ATP6V1A: variants seen among roughly 807,000 people sequenced by gnomAD.
The protein encoded by ATP6V1A is ATPase H+ transporting V1 subunit A, also known as V-type proton ATPase catalytic subunit A.
A neutral mutation model predicts 70.1 loss-of-function variants in ATP6V1A; 18 were observed. The ratio of observed to expected loss-of-function variants is 0.26; its 90% CI spans 0.18 to 0.38. The LOEUF is 0.38. ATP6V1A is among the 10% of genes least tolerant of loss of function. The pLI, the probability that ATP6V1A is intolerant of heterozygous loss-of-function variation, is 1.00. For synonymous variants in ATP6V1A, 232 were observed against 253.8 expected (o/e 0.91, Z 0.82); for missense variants, 424 against 772.4 (o/e 0.55, Z 5.35).
chr3:113,808,145 CAAAGA>C lies in ATP6V1A; in HGVS notation c.1762-1176_1762-1172del, dbSNP rs564042710. Among the ~76,000 whole-genome samples, 856 of 146,584 alleles carry C rather than the reference CAAAGA, an allele frequency of 5.8e-3. 12 individuals carry two copies. The highest frequency in any genetic ancestry group is 0.02 in the African/African-American group (815 of 39,960). On this transcript the variant is annotated intron_variant, in intron 14 of 14. Coordinates refer to ENST00000273398, the MANE Select transcript of ATP6V1A (RefSeq NM_001690.4). ...AACTCTGTCTGAAAAAAAAAAAAAA[CAAAGA>C]AAAGAAAAGAAAATTTCCAGTTATT...
chr3:113,776,355 G>A (rs1708912288), intron 1 of ATP6V1A, among the ~76,000 whole-genome samples: 2 of 152,072 alleles, frequency 1.3e-5, no homozygotes, highest in East Asian at 1.9e-4. Flanking sequence ...GCGTGACAGC[G>A]AGAACTTGTC....
intron 5 of ATP6V1A, among the ~76,000 whole-genome samples, 172 bp from the exon 6 acceptor site, chr3:113,786,057 TAAA>T (rs63484660): frequency 2.3e-5 from 3 of 132,970 alleles, no homozygotes; most frequent in African/African-American, 2.7e-5. Context: ...TGCACCAGGT[TAAA>T]AAAAAAAAAA....
chr3:113,747,845 T>C (rs1708541050), intron 1 of ATP6V1A, among the ~76,000 whole-genome samples: 1 of 152,110 alleles, frequency 6.6e-6, no homozygotes, highest in African/African-American at 2.4e-5. Context: ...TGTGGTGTTG[T>C]GGTGTGCAGG....
At chr3:113,792,439 G>A (rs1349163691) in intron 8 of ATP6V1A, among the ~76,000 whole-genome samples, 1 of 152,046 alleles carries the variant, frequency 6.6e-6, no homozygotes, top group Non-Finnish European at 1.5e-5. Context: ...CTGGTCTCAA[G>A]GGATCCTCTC....
rs145737238 is a variant in ATP6V1A, at chr3:113,809,370, C to T, written c.1797C>T (p.Ser599=). ...PLKDGEAKIK[S]DYAQLLEDMQ... ...AAGATGGTGAGGCAAAGATCAAAAG[C>T]GACTATGCACAACTTCTTGAAGACA... Residue 599 remains serine (S), a synonymous_variant, in exon 15 of 15, where the codon AGC becomes AGT. Coordinates refer to ENST00000273398, the MANE Select transcript of ATP6V1A (RefSeq NM_001690.4). The T allele has an allele frequency of 6.2e-6, 10 of 1,613,662 alleles. No individual in the cohort carries two copies. The East Asian group carries it at 6.7e-5, about 11-fold the overall frequency.
chr3:113,759,933 A>G (rs1160019099), intron 1 of ATP6V1A, among the ~76,000 whole-genome samples: 1 of 152,228 alleles, frequency 6.6e-6, no homozygotes, highest in Non-Finnish European at 1.5e-5. Context: ...TAGCATTTAT[A>G]GTCTGGAAGT....
At chr3:113,800,784 TTTATGTTTAGCAAAGGCCTACCCTG>T in intron 12 of ATP6V1A, among the ~76,000 whole-genome samples, 1 of 152,198 alleles carries the variant, frequency 6.6e-6, no homozygotes, top group African/African-American at 2.4e-5. Flanking sequence ...AAAGTAAGCA[TTTATGTTTAGCAAAGGCCTACCCTG>T]GTTAAAGGTA....
intron 1 of ATP6V1A, among the ~76,000 whole-genome samples, chr3:113,763,541 A>G (rs1708730904): frequency 6.6e-6 from 1 of 152,240 alleles, no homozygotes; most frequent in South Asian, 2.1e-4. Flanking sequence ...TAAGACTGTC[A>G]TTCTACGAGT....
chr3:113,779,880 G>A (rs1374808435), intron 2 of ATP6V1A, among the ~76,000 whole-genome samples: 7 of 152,068 alleles, frequency 4.6e-5, no homozygotes, highest in Admixed American at 4.6e-4. Context: ...TTTACTTTAA[G>A]TTCTGGGATA....
At chr3:113,749,574 A>G (rs1002659494) in intron 1 of ATP6V1A, among the ~76,000 whole-genome samples, 1 of 152,076 alleles carries the variant, frequency 6.6e-6, no homozygotes, top group African/African-American at 2.4e-5. Context: ...ACTACTACTA[A>G]TCATCATCAT....
At position 113,784,348 on chromosome 3, in the gene ATP6V1A, G is replaced by T. The variant is rs780980407; in HGVS notation, c.336G>T (p.Gln112His). Residue 112 changes from glutamine to histidine, a missense_variant, in exon 4 of 15, where the codon CAG becomes CAT. By Grantham distance (24) the Gln-to-His change is conservative. Around this residue, in one of 9 missense-constraint regions of ATP6V1A, gnomAD observed 139 missense variants for 163.5 expected, o/e 0.85. Coordinates refer to ENST00000273398, the MANE Select transcript of ATP6V1A (RefSeq NM_001690.4). The part of the protein sequence containing the change: ...IQRPLSDISS[Q>H]TQSIYIPRGV... ...GACCTTTGTCGGATATCAGCAGTCA[G>T]ACCCAAAGCATCTACATCCCCAGAG... The T allele has an allele frequency of 6.2e-7, 1 of 1,614,122 alleles. No homozygotes were observed. The highest frequency in any genetic ancestry group is 8.5e-7 in the Non-Finnish European group (1 of 1,180,000).
intron 3 of ATP6V1A, among the ~76,000 whole-genome samples, chr3:113,782,600 A>G (rs1454434916): frequency 2.1e-5 from 3 of 145,674 alleles, no homozygotes; most frequent in African/African-American, 5.1e-5. Context: ...ATATATATAT[A>G]TACATATATA....
At chr3:113,764,429 G>A (rs1168068374) in intron 1 of ATP6V1A, among the ~76,000 whole-genome samples, 1 of 152,072 alleles carries the variant, frequency 6.6e-6, no homozygotes, top group Admixed American at 6.6e-5. Flanking sequence ...TTTTATGCTA[G>A]TATTGATTAC....
intron 1 of ATP6V1A, among the ~76,000 whole-genome samples, chr3:113,768,186 G>T (rs879412761): frequency 3.9e-5 from 6 of 152,072 alleles, no homozygotes; most frequent in African/African-American, 9.7e-5. Context: ...TTTCCTGATT[G>T]TTAGTCCAGT....
intron 1 of ATP6V1A, among the ~76,000 whole-genome samples, chr3:113,763,417 A>G (rs112167672): frequency 3.9e-5 from 6 of 152,308 alleles, no homozygotes; most frequent in African/African-American, 1.4e-4. Flanking sequence ...GTAGCTCTCT[A>G]ATGATTTGCT....
intron 5 of ATP6V1A, 67 bp from the exon 6 acceptor site, chr3:113,786,165 A>G: frequency 3.5e-6 from 5 of 1,442,980 alleles, no homozygotes; most frequent in Non-Finnish European, 4.7e-6. Context: ...GAATCGGGTT[A>G]CTTTGATTTT....
chr3:113,805,578 C>CTTT, intron 14 of ATP6V1A, 53 bp downstream of exon 14: 1 of 1,318,612 alleles, frequency 7.6e-7, no homozygotes. Flanking sequence ...TTCTTTTTTT[C>CTTT]TTTTTTTTTT....
intron 1 of ATP6V1A, among the ~76,000 whole-genome samples, chr3:113,762,478 G>T (rs1301566635): frequency 6.6e-6 from 1 of 151,910 alleles, no homozygotes; most frequent in African/African-American, 2.4e-5. Context: ...TGAGGCAAGA[G>T]AATCACATGA....
At chr3:113,787,119 A>G (rs1709047617) in intron 6 of ATP6V1A, among the ~76,000 whole-genome samples, 1 of 152,220 alleles carries the variant, frequency 6.6e-6, no homozygotes, top group Non-Finnish European at 1.5e-5. Context: ...GAACCAAGAC[A>G]GAAGCCCCAC....
Sources: allele counts gnomAD v4.1 joint callset (sites outside exome capture counted in the v4.1 genomes callset), GRCh38; gene constraint gnomAD v4.1.1; regional missense constraint gnomAD v4.1.1; transcripts MANE v1.5; gene names NCBI Gene and HGNC (gene_info 2026-07-23, HGNC 2026-07-21).